Variants in AGPAT4 observed in about 807,000 individuals in gnomAD.
AGPAT4 encodes 1-acyl-sn-glycerol-3-phosphate acyltransferase delta.
In AGPAT4, 15 loss-of-function variants were observed where a neutral mutation model predicts 48.0. The ratio of observed to expected loss-of-function variants is 0.31; its 90% CI spans 0.21 to 0.48. AGPAT4 has a LOEUF of 0.48. AGPAT4 is among the 20% of genes least tolerant of loss of function. The pLI, the probability that AGPAT4 is intolerant of heterozygous loss-of-function variation, is 0.99. For missense variants in AGPAT4, 314 were observed against 482.5 expected (o/e 0.65, Z 3.27); for synonymous variants, 178 against 198.7 (o/e 0.90, Z 0.88).
intron 2 of AGPAT4, among the ~76,000 whole-genome samples, chr6:161,168,122 G>A (rs1019609834): frequency 6.6e-6 from 1 of 151,874 alleles, no homozygotes; most frequent in African/African-American, 2.4e-5. Flanking sequence ...GCAGGAAGGC[G>A]GTGGTGGGGT....
chr6:161,142,918 T>C lies in AGPAT4; in HGVS notation c.844-3298A>G, dbSNP rs1342829488. 1.3e-5 allele frequency among the ~76,000 whole-genome samples: 2 copies of C among 152,154 alleles called. No individual in the cohort carries two copies. The highest frequency in any genetic ancestry group is 2.1e-4 in the South Asian group (1 of 4,832). ...CCTTATGGTTTAAGTGAAAAAACAA[T>C]TGCCAGTCCCCAAAATGGTTCTTGT... On this transcript the variant is annotated intron_variant, in intron 7 of 8. Transcript: ENST00000320285. This position sits in a 1 kb window ranked among gnomAD's most constrained non-coding sequence, Gnocchi z 6.4.
chr6:161,209,970 T>G (rs1781480230), intron 2 of AGPAT4, among the ~76,000 whole-genome samples: 1 of 152,016 alleles, frequency 6.6e-6, no homozygotes, highest in African/African-American at 2.4e-5. Context: ...GCAACAGAGG[T>G]TATTCTTGGA....
chr6:161,166,132 A>G lies in AGPAT4; in HGVS notation c.348+116T>C. ...AGCAGTTTATTAGGACCATTTCATC[A>G]AGTAGAAACTCTGTTGATTCTTCTG... On this transcript the variant is annotated intron_variant, in intron 3 of 8. Transcript: ENST00000320285. This position sits in a 1 kb window ranked among gnomAD's most constrained non-coding sequence, Gnocchi z 6.7. The G allele has an allele frequency of 7.4e-7, 1 of 1,360,294 alleles. No individual in the cohort carries two copies. Among genetic ancestry groups the G allele is most frequent in the Non-Finnish European group, 1.0e-6 (1 of 989,690 alleles). 84.3% of individuals were successfully genotyped at this position (1,360,294 alleles called of 1,614,324 possible).
At position 161,266,904 on chromosome 6, in the gene AGPAT4, G is replaced by T. The variant is rs570258304; in HGVS notation, c.-90+7034C>A. Among the ~76,000 whole-genome samples, 2 of 152,330 alleles carry T rather than the reference G, an allele frequency of 1.3e-5. No homozygotes were observed. The highest frequency in any genetic ancestry group is 2.1e-4 in the South Asian group (1 of 4,822). ...GGGCAAGAGACCAAATTTCACTCCA[G>T]GATCAATTCAAGTCTCCCATTCTCA... is the stretch of plus-strand genomic sequence containing the variant. On this transcript the variant is annotated intron_variant, in intron 1 of 8. Transcript: ENST00000320285. The surrounding 1 kb of genome is among the most constrained non-coding windows in gnomAD (Gnocchi z 6.2).
intron 8 of AGPAT4, 37 bp from the exon 9 acceptor site, chr6:161,136,671 A>C (rs6455706): frequency 5.0e-6 from 8 of 1,587,012 alleles, no homozygotes; most frequent in East Asian, 2.2e-5. Flanking sequence ...GGAGTAGCCC[A>C]AACAGACTAC....
Position 161,220,765 on chromosome 6 carries a change from G to A in AGPAT4, c.178+11271C>T, listed in dbSNP as rs1056534873. ...TTGTGCAAAGCCATTCTGAAGACTCGGACAGCGTAGATATATTTTATTTTA... is the reference window on the plus strand; with the variant it reads ...TTGTGCAAAGCCATTCTGAAGACTCAGACAGCGTAGATATATTTTATTTTA... On this transcript the variant is annotated intron_variant, in intron 2 of 8. Transcript: ENST00000320285. This position sits in a 1 kb window ranked among gnomAD's most constrained non-coding sequence, Gnocchi z 6.0. 9.2e-5 allele frequency among the ~76,000 whole-genome samples: 14 copies of A among 151,874 alleles called. No homozygotes were observed. Among genetic ancestry groups the A allele is most frequent in the Non-Finnish European group, 1.9e-4 (13 of 67,960 alleles).
Position 161,146,515 on chromosome 6 carries a change from T to G in AGPAT4, c.843+9A>C, listed in dbSNP as rs1270091371. On this transcript the variant is annotated intron_variant, in intron 7 of 8. Transcript: ENST00000320285. This position sits in a 1 kb window ranked among gnomAD's most constrained non-coding sequence, Gnocchi z 7.1. ...ACGTGAAGGGACCCCTGGCACCCAG[T>G]GCACTGACCTTCTCCTGGTAGAGCT... 6.2e-7 allele frequency: 1 copy of G among 1,613,464 alleles called. No homozygotes were observed. The highest frequency in any genetic ancestry group is 8.5e-7 in the Non-Finnish European group (1 of 1,179,948).
chr6:161,219,880 C>T lies in AGPAT4; in HGVS notation c.178+12156G>A, dbSNP rs77161857. Among the ~76,000 whole-genome samples the T allele has an allele frequency of 0.18, 16,357 of 89,076 alleles. 1,643 individuals are homozygous for T. Among genetic ancestry groups the T allele is most frequent in the Non-Finnish European group, 0.2 (8,192 of 40,174 alleles). 58.4% of individuals were successfully genotyped at this position (89,076 alleles called of 152,430 possible). On this transcript the variant is annotated intron_variant, in intron 2 of 8. Coordinates refer to ENST00000320285, the MANE Select transcript of AGPAT4 (RefSeq NM_020133.3). The surrounding 1 kb of genome is among the most constrained non-coding windows in gnomAD (Gnocchi z 4.9). Reference sequence around the variant, plus strand: ...ATAGATAGATAGATAGATAGGCAGGCAGGCAGGCAGGCAGGCAGGCAGGCA... The same window carrying T: ...ATAGATAGATAGATAGATAGGCAGGTAGGCAGGCAGGCAGGCAGGCAGGCA...
chr6:161,183,718 A>C (rs1413700797), intron 2 of AGPAT4, among the ~76,000 whole-genome samples: 1 of 27,546 alleles, frequency 3.6e-5, no homozygotes, highest in Non-Finnish European at 6.5e-5. Flanking sequence ...AGAGGAGAGG[A>C]GATGGGAGAA....
chr6:161,259,687 G>A lies in AGPAT4; in HGVS notation c.-90+14251C>T, dbSNP rs1007656788. Among the ~76,000 whole-genome samples, 5 of 152,106 alleles carry A rather than the reference G, an allele frequency of 3.3e-5. No individual in the cohort carries two copies. Among genetic ancestry groups the A allele is most frequent in the South Asian group, 4.1e-4 (2 of 4,820 alleles). Reference sequence around the variant, plus strand: ...CCCAACTGTGGGGTCCCAGGTCACCGCACAGTTCACATGCCCAGGAGGACT... The same window carrying A: ...CCCAACTGTGGGGTCCCAGGTCACCACACAGTTCACATGCCCAGGAGGACT... On this transcript the variant is annotated intron_variant, in intron 1 of 8. Transcript: ENST00000320285. This position sits in a 1 kb window ranked among gnomAD's most constrained non-coding sequence, Gnocchi z 4.9.
intron 2 of AGPAT4, among the ~76,000 whole-genome samples, chr6:161,210,943 C>T (rs1027481462): frequency 1.3e-5 from 2 of 152,154 alleles, no homozygotes; most frequent in Non-Finnish European, 2.9e-5. Context: ...CAGTCTAGCC[C>T]ACAGGCAGTA....
chr6:161,238,904 G>T lies in AGPAT4; in HGVS notation c.-89-6602C>A, dbSNP rs1009130627. Among the ~76,000 whole-genome samples, 1 of 152,166 alleles carries T rather than the reference G, an allele frequency of 6.6e-6. No homozygotes were observed. Among genetic ancestry groups the T allele is most frequent in the African/African-American group, 2.4e-5 (1 of 41,434 alleles). On this transcript the variant is annotated intron_variant, in intron 1 of 8. Transcript: ENST00000320285. This position sits in a 1 kb window ranked among gnomAD's most constrained non-coding sequence, Gnocchi z 5.2. Reference sequence around the variant, plus strand: ...GTTTGCTTCCCCTTCTGCCATGATTGTAAGTTTCCTGAGGCCTCTCCAGCC... The same window carrying T: ...GTTTGCTTCCCCTTCTGCCATGATTTTAAGTTTCCTGAGGCCTCTCCAGCC...
chr6:161,239,187 C>T lies in AGPAT4; in HGVS notation c.-89-6885G>A, dbSNP rs373192225. Among the ~76,000 whole-genome samples the T allele has an allele frequency of 5.1e-4, 77 of 152,188 alleles. 1 individual carries two copies. The Middle Eastern group carries it at 0.027, about 54-fold the overall frequency. On this transcript the variant is annotated intron_variant, in intron 1 of 8. Transcript: ENST00000320285. The stretch of plus-strand genomic sequence containing the variant: ...TGGGACTGCTGAAGTGAGTTATGTA[C>T]GGTGTAAGGCAGATGGTACCATATG...
chr6:161,197,055 C>T lies in AGPAT4; in HGVS notation c.179-30638G>A, dbSNP rs1781090155. On this transcript the variant is annotated intron_variant, in intron 2 of 8. Transcript: ENST00000320285. The surrounding 1 kb of genome is among the most constrained non-coding windows in gnomAD (Gnocchi z 5.7). ...AATAGAAGCGCACAAGAGGTGAGTG[C>T]TTTACAGGAAAATGACACCAACCAC... 6.6e-6 allele frequency among the ~76,000 whole-genome samples: 1 copy of T among 152,142 alleles called. No homozygotes were observed. The highest frequency in any genetic ancestry group is 1.5e-5 in the Non-Finnish European group (1 of 68,034).
At chr6:161,248,181 A>G (rs1782711558) in intron 1 of AGPAT4, among the ~76,000 whole-genome samples, 1 of 151,994 alleles carries the variant, frequency 6.6e-6, no homozygotes, top group African/African-American at 2.4e-5. Flanking sequence ...TCAGGACACA[A>G]AATCAATGAA....
rs1030107049 is a variant in AGPAT4, at chr6:161,169,491, G to C, written c.179-3074C>G. 1.3e-5 allele frequency among the ~76,000 whole-genome samples: 2 copies of C among 151,866 alleles called. No individual in the cohort carries two copies. The highest frequency in any genetic ancestry group is 4.1e-4 in the South Asian group (2 of 4,820). On this transcript the variant is annotated intron_variant, in intron 2 of 8. Coordinates refer to ENST00000320285, the MANE Select transcript of AGPAT4 (RefSeq NM_020133.3). The surrounding 1 kb of genome is among the most constrained non-coding windows in gnomAD (Gnocchi z 5.0). ...TTTTTCCTTTCTTTTTTTTGAGATG[G>C]TGTGTCACTCTGTCATCCAGGCTGG... is the stretch of plus-strand genomic sequence containing the variant.
At chr6:161,257,407 TTGTC>T (rs1192143934) in intron 1 of AGPAT4, among the ~76,000 whole-genome samples, 2 of 152,160 alleles carry the variant, frequency 1.3e-5, no homozygotes, top group Admixed American at 6.5e-5. Context: ...GGATCACTGA[TTGTC>T]TGAGCTACAG....
rs1182051467 is a variant in AGPAT4, at chr6:161,264,583, T to C, written c.-90+9355A>G. 6.6e-6 allele frequency among the ~76,000 whole-genome samples: 1 copy of C among 152,204 alleles called. No homozygotes were observed. The highest frequency in any genetic ancestry group is 2.4e-5 in the African/African-American group (1 of 41,458). On this transcript the variant is annotated intron_variant, in intron 1 of 8. Transcript: ENST00000320285. This position sits in a 1 kb window ranked among gnomAD's most constrained non-coding sequence, Gnocchi z 6.8. Reference sequence around the variant, plus strand: ...GCGCATCCCTGCCCTGCAAGTCTTATCCACTGCGTGGGAACCCCTCGCTGA... The same window carrying C: ...GCGCATCCCTGCCCTGCAAGTCTTACCCACTGCGTGGGAACCCCTCGCTGA...
chr6:161,135,091 T>TA lies in AGPAT4; in HGVS notation c.*1448dup, dbSNP rs1474952165. 7.3e-6 allele frequency: 1 copy of TA among 136,488 alleles called. No individual in the cohort carries two copies. The highest frequency in any genetic ancestry group is 2.1e-4 in the East Asian group (1 of 4,780). The allele number at this position is 136,488 out of a possible 1,614,324, so 8.5% of individuals were successfully genotyped here. On this transcript the variant is annotated 3_prime_UTR_variant, in exon 9 of 9. Transcript: ENST00000320285. ...TCCTTGGCTTACCTAGTTTGGTTGATAAACAATGACTAAATGAGCAAATAG... is the reference window on the plus strand; with the variant it reads ...TCCTTGGCTTACCTAGTTTGGTTGATAAAACAATGACTAAATGAGCAAATAG...
Sources: allele counts gnomAD v4.1 joint callset (sites outside exome capture counted in the v4.1 genomes callset), GRCh38; gene constraint gnomAD v4.1.1; non-coding constraint Gnocchi (gnomAD v3.1); transcripts MANE v1.5; gene names NCBI Gene and HGNC (gene_info 2026-07-23, HGNC 2026-07-21).